DIS3: variants seen among roughly 807,000 people sequenced by gnomAD.
DIS3 encodes DIS3 exosome endoribonuclease and 3'-5' exoribonuclease, also known as exosome complex exonuclease RRP44.
A neutral mutation model predicts 113.0 loss-of-function variants in DIS3; 103 were observed. That is an observed-to-expected ratio of 0.91 (90% confidence interval 0.78 to 1.07). The LOEUF is 1.07. DIS3 is among the 50% of genes least tolerant of loss of function. The probability of loss-of-function intolerance (pLI) is 0.00; values close to 1 mark genes in which losing one functional copy is unlikely to be tolerated. For synonymous variants in DIS3, 402 were observed against 394.3 expected (o/e 1.02, Z -0.23); for missense variants, 1,121 against 1,167.1 (o/e 0.96, Z 0.58).
In DIS3 at chr13:72,778,250, A is replaced by G; in HGVS notation, c.517T>C (p.Phe173Leu). 1 of 1,609,078 alleles carries G rather than the reference A, an allele frequency of 6.2e-7. No homozygotes were observed. Among genetic ancestry groups the G allele is most frequent in the Non-Finnish European group, 8.5e-7 (1 of 1,176,210 alleles). Residue 173 changes from phenylalanine (F) to leucine (L), a missense_variant, in exon 3 of 21, where the codon TTC becomes CTC. Coordinates refer to ENST00000377767, the MANE Select transcript of DIS3 (RefSeq NM_014953.5). ...TTGTTTCTCCTGTCATTTGTTATGA[A>G]GATAACTTGCAGCTGGTTGTCTGCT... ...MSADNQLQVI[F>L]ITNDRRNKEK...
In DIS3 at chr13:72,778,399, C is replaced by A. The variant is rs781109125; in HGVS notation, c.387-19G>T. The A allele has an allele frequency of 9.8e-6, 15 of 1,524,078 alleles. No individual in the cohort carries two copies. In the South Asian group the frequency reaches 1.9e-4, roughly 19 times the overall value. The allele number at this position is 1,524,078 out of a possible 1,614,324, so 94.4% of individuals were successfully genotyped here. A position where few individuals can be genotyped will look rare whatever the true frequency, so the allele number is the denominator to read the frequency against. On this transcript the variant is annotated intron_variant, in intron 2 of 20. Coordinates refer to ENST00000377767, the MANE Select transcript of DIS3 (RefSeq NM_014953.5). Reference sequence around the variant, plus strand: ...GGTTTCTCTAAATGGAAAGAAAAAACGAAATAAAAGGAAATCAGTAGAAAC... The same window carrying A: ...GGTTTCTCTAAATGGAAAGAAAAAAAGAAATAAAAGGAAATCAGTAGAAAC...
intron 9 of DIS3, 60 bp from the exon 10 acceptor site, chr13:72,772,335 A>T: frequency 2.4e-6 from 3 of 1,266,278 alleles, no homozygotes; most frequent in Non-Finnish European, 2.2e-6. Flanking sequence ...ACAACATATT[A>T]ATAGCTCTTG....
intron 19 of DIS3, 26 bp downstream of exon 19, chr13:72,761,337 G>T (rs1345791203): frequency 6.4e-7 from 1 of 1,572,940 alleles, no homozygotes; most frequent in South Asian, 1.2e-5. Context: ...CCCCGGAAAA[G>T]AAAACAAACA....
Position 72,777,469 on chromosome 13 carries a change from G to C in DIS3, c.605C>G (p.Thr202Ser). ...FTCEEYVKSL[T>S]ANPELIDRLA... ...ACGATCTATGAGTTCGGGGTTAGCAGTTAGGCTCTTTACATATTCTTCACC... is the reference window on the plus strand; with the variant it reads ...ACGATCTATGAGTTCGGGGTTAGCACTTAGGCTCTTTACATATTCTTCACC... The change falls in exon 4 of 21, where the codon ACT becomes AGT. Residue 202 changes from threonine (T) to serine (S), a missense_variant. This residue lies in a region of DIS3 where 861 missense variants were observed against 915.5 expected (regional missense o/e 0.94). Transcript: ENST00000377767. The C allele has an allele frequency of 6.2e-7, 1 of 1,614,086 alleles. No individual in the cohort carries two copies. Among genetic ancestry groups the C allele is most frequent in the South Asian group, 1.1e-5 (1 of 91,074 alleles).
In DIS3 at chr13:72,781,701, C is replaced by T. The variant is rs1297850982; in HGVS notation, c.132G>A (p.Glu44=). 1 of 1,563,694 alleles carries T rather than the reference C, an allele frequency of 6.4e-7. No homozygotes were observed. Among genetic ancestry groups the T allele is most frequent in the South Asian group, 1.2e-5 (1 of 85,532 alleles). Residue 44 remains glutamate (E), a synonymous_variant, in exon 1 of 21, where the codon GAG becomes GAA. Transcript: ENST00000377767. The stretch of plus-strand genomic sequence containing the variant: ...GGGGCTGCGGCTCCAGGGCCGGCCC[C>T]TCGTGCGCCCCTCCACACGCTGCGC... The part of the protein sequence containing the change: ...PGCAACGGAH[E]GPALEPQPQD...
intron 3 of DIS3, 30 bp downstream of exon 3, chr13:72,778,157 T>G: frequency 6.6e-7 from 1 of 1,525,330 alleles, no homozygotes; most frequent in Middle Eastern, 2.2e-4. Flanking sequence ...TTTGCAAACA[T>G]GCACTAAGTA....
At chr13:72,759,931 C>G (rs774539114) in intron 20 of DIS3, 53 bp from the exon 21 acceptor site, 2 of 1,414,734 alleles carry the variant, frequency 1.4e-6, no homozygotes, top group Non-Finnish European at 2.0e-6. Context: ...TAGAATACAT[C>G]TCAACCTCAT....
intron 2 of DIS3, 120 bp downstream of exon 2, chr13:72,780,726 A>T (rs1411267375): frequency 4.1e-6 from 4 of 981,352 alleles, no homozygotes; most frequent in African/African-American, 3.3e-5. Flanking sequence ...TGTAAGAATT[A>T]AATAAGGTAT....
At position 72,761,533 on chromosome 13, in the gene DIS3, C is replaced by T; in HGVS notation, c.2512-12G>A. 3 of 1,552,734 alleles carry T rather than the reference C, an allele frequency of 1.9e-6. No individual in the cohort carries two copies. The highest frequency in any genetic ancestry group is 2.6e-6 in the Non-Finnish European group (3 of 1,154,826). ...CTTTTGAAGAATAACTGTAAAATAA[C>T]ATACAACTTATTTAAATTGTCTTAA... On this transcript the variant is annotated splice_polypyrimidine_tract_variant and intron_variant, in intron 18 of 20. Coordinates refer to ENST00000377767, the MANE Select transcript of DIS3 (RefSeq NM_014953.5).
In DIS3 at chr13:72,755,183, A is replaced by C. The variant is rs772543271; in HGVS notation, c.*4612T>G. On this transcript the variant is annotated 3_prime_UTR_variant, in exon 21 of 21. Coordinates refer to ENST00000377767, the MANE Select transcript of DIS3 (RefSeq NM_014953.5). ...ACACAACACAGAGGTGTTGGATGAA[A>C]ACAGCAAGCCCTTTTCAATGCAGCA... is the stretch of plus-strand genomic sequence containing the variant. 17 of 1,613,714 alleles carry C rather than the reference A, an allele frequency of 1.1e-5. No homozygotes were observed. Among genetic ancestry groups the C allele is most frequent in the Non-Finnish European group, 1.4e-5 (16 of 1,179,904 alleles).
At position 72,755,219 on chromosome 13, in the gene DIS3, T is replaced by C. The variant is rs141608339; in HGVS notation, c.*4576A>G. On this transcript the variant is annotated 3_prime_UTR_variant, in exon 21 of 21. Transcript: ENST00000377767. Reference sequence around the variant, plus strand: ...CTTTTCAATGCAGCAGTCCATAGAATGCCTCTGTCAGAATCAAAGACTAAG... The same window carrying C: ...CTTTTCAATGCAGCAGTCCATAGAACGCCTCTGTCAGAATCAAAGACTAAG... The C allele has an allele frequency of 6.4e-5, 103 of 1,608,428 alleles. No individual in the cohort carries two copies. The East Asian group carries it at 2.2e-3, about 35-fold the overall frequency.
chr13:72,779,747 AGTGGTG>A lies in DIS3; in HGVS notation c.386+1093_386+1098del, dbSNP rs1164924305. ...AGGGCATTTTGTATCATTACAACTG[AGTGGTG>A]GTGGTGGTGGTGGTGGTGGGGGGGG... On this transcript the variant is annotated intron_variant, in intron 2 of 20. Coordinates refer to ENST00000377767, the MANE Select transcript of DIS3 (RefSeq NM_014953.5). Among the ~76,000 whole-genome samples, 6 of 101,610 alleles carry A rather than the reference AGTGGTG, an allele frequency of 5.9e-5. 1 individual carries two copies. The South Asian group carries it at 1.3e-3, about 23-fold the overall frequency. The allele number at this position is 101,610 out of a possible 152,430, so 66.7% of individuals were successfully genotyped here. A position where few individuals can be genotyped will look rare whatever the true frequency, so the allele number is the denominator to read the frequency against.
In DIS3 at chr13:72,774,053, T is replaced by C; in HGVS notation, c.994A>G (p.Thr332Ala). The C allele has an allele frequency of 6.3e-7, 1 of 1,583,532 alleles. No homozygotes were observed. The highest frequency in any genetic ancestry group is 8.6e-7 in the Non-Finnish European group (1 of 1,169,170). Reference protein sequence around the residue: ...KEEETERMLKTAVSEKMLKPT... With the variant: ...KEEETERMLKAAVSEKMLKPT... ...TTCAACATTTTCTCGCTTACAGCAG[T>C]CTTAAGCTGAGATATAAAAATTAAA... Residue 332 changes from threonine (T) to alanine (A), a missense_variant, in exon 7 of 21, where the codon ACT (threonine) becomes GCT (alanine). Physicochemically the swap from Thr to Ala is moderately conservative, Grantham distance 58 (BLOSUM62 0). Transcript: ENST00000377767.
rs1396296725 is a variant in DIS3, at chr13:72,756,067, T to C, written c.*3728A>G. On this transcript the variant is annotated 3_prime_UTR_variant, in exon 21 of 21. Coordinates refer to ENST00000377767, the MANE Select transcript of DIS3 (RefSeq NM_014953.5). ...TACAACTATTTTTTTAAAAAACTTA[T>C]ATCCATGTTGGGAGTAGATGGGTAT... The C allele has an allele frequency of 2.5e-6, 1 of 396,134 alleles. No homozygotes were observed. Among genetic ancestry groups the C allele is most frequent in the Non-Finnish European group, 4.4e-6 (1 of 225,116 alleles). 24.5% of individuals were successfully genotyped at this position (396,134 alleles called of 1,614,324 possible).
intron 1 of DIS3, chr13:72,781,353 C>G: frequency 6.4e-7 from 1 of 1,551,318 alleles, no homozygotes; most frequent in Non-Finnish European, 8.7e-7. Context: ...CAGGCACTTA[C>G]AATCTAAGGC....
In DIS3 at chr13:72,772,752, G is replaced by C; in HGVS notation, c.1327C>G (p.Pro443Ala). ...AAACTAAGAACAGCCTGTGAAAAAG[G>C]CTGATGGGGAACATCGTGTTCAAGT... Reference protein sequence around the residue: ...LLLEHDVPHQPFSQAVLSFLP... With the variant: ...LLLEHDVPHQAFSQAVLSFLP... Residue 443 changes from proline (P) to alanine (A), a missense_variant, in exon 9 of 21, where the codon CCT becomes GCT. Pro to Ala is a conservative substitution (Grantham distance 27, BLOSUM62 -1). This residue lies in a region of DIS3 where 861 missense variants were observed against 915.5 expected (regional missense o/e 0.94). Coordinates refer to ENST00000377767, the MANE Select transcript of DIS3 (RefSeq NM_014953.5). 1 of 1,613,514 alleles carries C rather than the reference G, an allele frequency of 6.2e-7. No homozygotes were observed. Among genetic ancestry groups the C allele is most frequent in the Non-Finnish European group, 8.5e-7 (1 of 1,179,858 alleles).
chr13:72,778,071 GT>G, intron 3 of DIS3, 115 bp downstream of exon 3: 1 of 918,932 alleles, frequency 1.1e-6, no homozygotes, highest in South Asian at 3.1e-5. Flanking sequence ...ATCACATGAA[GT>G]TATATAGGAC....
rs1307088283 is a variant in DIS3 at position 72,777,343 on chromosome 13, T to C, written c.654+77A>G. The C allele has an allele frequency of 6.4e-6, 9 of 1,416,346 alleles. No individual in the cohort carries two copies. The Admixed American group carries it at 1.7e-4, about 27-fold the overall frequency. The allele number at this position is 1,416,346 out of a possible 1,614,324, so 87.7% of individuals were successfully genotyped here. On this transcript the variant is annotated intron_variant, in intron 4 of 20. Coordinates refer to ENST00000377767, the MANE Select transcript of DIS3 (RefSeq NM_014953.5). ...ACCCACCGACATTCCAATTTTTAAATTTGGTAACTATATGCCTAATATTCC... is the reference window on the plus strand; with the variant it reads ...ACCCACCGACATTCCAATTTTTAAACTTGGTAACTATATGCCTAATATTCC...
chr13:72,773,888 A>C lies in DIS3; in HGVS notation c.1101+58T>G. 2.5e-6 allele frequency: 4 copies of C among 1,591,672 alleles called. No homozygotes were observed. The Admixed American group carries it at 5.4e-5, about 22-fold the overall frequency. ...TGAGGATGGAGGCAAAAGAAAGGCT[A>C]TAAGTTCTATTAAATGTTTATCATT... On this transcript the variant is annotated intron_variant, in intron 7 of 20. Transcript: ENST00000377767.
Sources: allele counts gnomAD v4.1 joint callset (sites outside exome capture counted in the v4.1 genomes callset), GRCh38; gene constraint gnomAD v4.1.1; regional missense constraint gnomAD v4.1.1; transcripts MANE v1.5; gene names NCBI Gene and HGNC (gene_info 2026-07-23, HGNC 2026-07-21).